PTPRD: variants seen among roughly 807,000 people sequenced by gnomAD.
The protein encoded by PTPRD is receptor-type tyrosine-protein phosphatase delta.
In PTPRD, 34 loss-of-function variants were observed where a neutral mutation model predicts 214.5. The observed-to-expected ratio is 0.16, with a 90% confidence interval of 0.12 to 0.21. PTPRD has a LOEUF of 0.21. Ranked by LOEUF, PTPRD falls within the 10% of genes least tolerant of loss-of-function variation. The pLI is 1.00. For synonymous variants in PTPRD, 1,128 were observed against 845.7 expected, an observed-to-expected ratio of 1.33 and a Z score of -5.79; for missense variants, 2,545 against 2,398.7, an observed-to-expected ratio of 1.06 and a Z score of -1.27.
intron 10 of PTPRD, among the ~76,000 whole-genome samples, chr9:9,174,138 C>A (rs1053823685): frequency 6.6e-6 from 1 of 152,000 alleles, no homozygotes; most frequent in East Asian, 1.9e-4. Flanking sequence ...ATACAGCCCC[C>A]CCAAATAAAA....
intron 6 of PTPRD, among the ~76,000 whole-genome samples, chr9:9,749,023 A>G (rs1307192416): frequency 9.1e-6 from 1 of 110,232 alleles, no homozygotes; most frequent in African/African-American, 5.8e-5. Context: ...GATGTGGAGT[A>G]TAATCTCCCT....
intron 12 of PTPRD, among the ~76,000 whole-genome samples, chr9:8,649,981 A>C (rs1805173386): frequency 6.6e-6 from 1 of 152,072 alleles, no homozygotes; most frequent in Admixed American, 6.5e-5. Flanking sequence ...GCAGTTGCAT[A>C]ATCATGGTTC....
At chr9:10,074,300 T>C (rs959774280) in intron 3 of PTPRD, among the ~76,000 whole-genome samples, 1 of 152,092 alleles carries the variant, frequency 6.6e-6, no homozygotes, top group Non-Finnish European at 1.5e-5. Flanking sequence ...ATAACTATAA[T>C]ATCCACAGCA....
intron 10 of PTPRD, among the ~76,000 whole-genome samples, chr9:9,172,510 A>G (rs1018642593): frequency 4.6e-5 from 7 of 152,286 alleles, no homozygotes; most frequent in East Asian, 3.9e-4. Context: ...AAGCAGCATT[A>G]TCTCGGGCTC....
chr9:9,332,495 A>G (rs927764452), intron 9 of PTPRD, among the ~76,000 whole-genome samples: 2 of 151,940 alleles, frequency 1.3e-5, no homozygotes, highest in Non-Finnish European at 2.9e-5. Flanking sequence ...CCAAATATAG[A>G]AAGTAAATGC....
intron 7 of PTPRD, among the ~76,000 whole-genome samples, chr9:9,653,507 T>C (rs181397864): frequency 6.6e-6 from 1 of 152,032 alleles, no homozygotes; most frequent in South Asian, 2.1e-4. Context: ...GCACCTAAAC[T>C]TGTCCAGAAG....
rs73392160 is a variant in PTPRD at position 10,091,494 on chromosome 9, A to T, written c.-544-57704T>A. On this transcript the variant is annotated intron_variant, in intron 3 of 45. Coordinates refer to ENST00000381196, the MANE Select transcript of PTPRD (RefSeq NM_002839.4). The stretch of plus-strand genomic sequence containing the variant: ...AAATATACATTTCAAATGAGATTAT[A>T]AATACTACTTCCTAAAATAGAAATT... Among the ~76,000 whole-genome samples the T allele has an allele frequency of 4.3e-3, 656 of 151,694 alleles. 7 individuals are homozygous for T. The highest frequency in any genetic ancestry group is 0.014 in the African/African-American group (575 of 41,490).
intron 7 of PTPRD, among the ~76,000 whole-genome samples, chr9:9,611,101 T>C (rs1238222651): frequency 3.9e-5 from 6 of 152,192 alleles, no homozygotes; most frequent in Admixed American, 3.3e-4. Context: ...AATGTACAAA[T>C]ACAATACCTT....
chr9:8,643,603 C>G lies in PTPRD; in HGVS notation c.65-6759G>C, dbSNP rs527830861. Among the ~76,000 whole-genome samples, 66 of 152,332 alleles carry G rather than the reference C, an allele frequency of 4.3e-4. No individual in the cohort carries two copies. In the East Asian group the frequency reaches 0.011, roughly 26 times the overall value. On this transcript the variant is annotated intron_variant, in intron 12 of 45. Coordinates refer to ENST00000381196, the MANE Select transcript of PTPRD (RefSeq NM_002839.4). ...GGGGACCCACCACCACCACTGCTGCCTCTGCAGCCACTCCTGCCACCACTG... is the reference window on the plus strand; with the variant it reads ...GGGGACCCACCACCACCACTGCTGCGTCTGCAGCCACTCCTGCCACCACTG...
intron 4 of PTPRD, among the ~76,000 whole-genome samples, chr9:10,018,625 G>A (rs1174357576): frequency 1.6e-5 from 2 of 122,886 alleles, no homozygotes; most frequent in Non-Finnish European, 1.6e-5. Flanking sequence ...TCGGCTCACT[G>A]CAAGCTCCGC....
chr9:9,021,923 T>G lies in PTPRD; in HGVS notation c.-142-3188A>C, dbSNP rs2099571157. On this transcript the variant is annotated intron_variant, in intron 10 of 45. Coordinates refer to ENST00000381196, the MANE Select transcript of PTPRD (RefSeq NM_002839.4). The stretch of plus-strand genomic sequence containing the variant: ...TAAAGTAAAAAATCTTAGCTTACAA[T>G]GAGAACACGTGGACACAGGGAGGGG... 2.0e-5 allele frequency among the ~76,000 whole-genome samples: 3 copies of G among 148,094 alleles called. 1 individual carries two copies. In the Admixed American group the frequency reaches 2.1e-4, roughly 10 times the overall value.
At chr9:10,216,030 C>T (rs1019819872) in intron 3 of PTPRD, among the ~76,000 whole-genome samples, 44 of 151,878 alleles carry the variant, frequency 2.9e-4, no homozygotes, top group African/African-American at 1.0e-3. Flanking sequence ...ATAATTAATA[C>T]CAATTTTAGG....
chr9:8,857,266 G>A (rs2097938606), intron 11 of PTPRD, among the ~76,000 whole-genome samples: 1 of 152,304 alleles, frequency 6.6e-6, no homozygotes, highest in South Asian at 2.1e-4. Context: ...AAAAGGCGGT[G>A]GCAGGATCCC....
chr9:10,610,111 C>G (rs1414847896), intron 2 of PTPRD, among the ~76,000 whole-genome samples: 1 of 152,150 alleles, frequency 6.6e-6, no homozygotes, highest in Non-Finnish European at 1.5e-5. Flanking sequence ...CAACTTTCTT[C>G]TCAACTTTAA....
intron 6 of PTPRD, among the ~76,000 whole-genome samples, chr9:9,760,426 T>C (rs1273491522): frequency 6.6e-6 from 1 of 152,086 alleles, no homozygotes; most frequent in Non-Finnish European, 1.5e-5. Context: ...AAGGGCTTGA[T>C]ATTTTTGCCC....
chr9:8,742,469 A>G (rs2092154165), intron 11 of PTPRD, among the ~76,000 whole-genome samples: 1 of 152,204 alleles, frequency 6.6e-6, no homozygotes, highest in Non-Finnish European at 1.5e-5. Context: ...TAAAAATCAA[A>G]ACAGGTTTTC....
intron 10 of PTPRD, among the ~76,000 whole-genome samples, chr9:9,080,459 A>T (rs972494869): frequency 1.3e-5 from 2 of 152,140 alleles, no homozygotes; most frequent in Non-Finnish European, 2.9e-5. Flanking sequence ...TTACTTGAAT[A>T]GACCCTTTAC....
intron 3 of PTPRD, among the ~76,000 whole-genome samples, chr9:10,065,120 A>G (rs1249876031): frequency 7.6e-6 from 1 of 131,476 alleles, no homozygotes; most frequent in African/African-American, 2.9e-5. Context: ...CTTCTGCCTA[A>G]TACTTTGTTG....
chr9:9,546,085 T>A (rs921877629), intron 8 of PTPRD, among the ~76,000 whole-genome samples: 1 of 151,822 alleles, frequency 6.6e-6, no homozygotes, highest in Non-Finnish European at 1.5e-5. Flanking sequence ...AATTTCCACT[T>A]GTTTATTTCT....
Sources: allele counts gnomAD v4.1 joint callset (sites outside exome capture counted in the v4.1 genomes callset), GRCh38; gene constraint gnomAD v4.1.1; transcripts MANE v1.5; gene names NCBI Gene and HGNC (gene_info 2026-07-23, HGNC 2026-07-21).